Variants in EYS observed in about 807,000 individuals in gnomAD.
EYS encodes EGF-like photoreceptor maintenance factor.
In EYS, 250 loss-of-function variants were observed where a neutral mutation model predicts 282.1. The ratio of observed to expected loss-of-function variants is 0.89; its 90% CI spans 0.80 to 0.98. The LOEUF (loss-of-function observed/expected upper bound fraction) is 0.98. EYS is among the 50% of genes least tolerant of loss of function. The pLI is 0.00. For missense variants in EYS, 4,016 were observed against 3,709.0 expected, an observed-to-expected ratio of 1.08 and a Z score of -2.15; for synonymous variants, 1,355 against 1,282.9, an observed-to-expected ratio of 1.06 and a Z score of -1.20.
chr6:65,095,194 A>G (rs572599729), intron 12 of EYS, among the ~76,000 whole-genome samples: 1 of 151,412 alleles, frequency 6.6e-6, no homozygotes, highest in South Asian at 2.1e-4. Flanking sequence ...TCAGTAATCA[A>G]AAATTTCTTA....
rs376698343 is a variant in EYS, at chr6:64,886,252, T to A, written c.2992+445A>T. Among the ~76,000 whole-genome samples, 9 of 152,060 alleles carry A rather than the reference T, an allele frequency of 5.9e-5. No homozygotes were observed. In the East Asian group the frequency reaches 1.7e-3, roughly 30 times the overall value. On this transcript the variant is annotated intron_variant, in intron 19 of 42. Transcript: ENST00000503581. ...GGATAAAATTTATGCTGTGAAATAA[T>A]TGATACTGACAGCTAATGCCAATCT...
At chr6:64,845,352 T>G (rs1393333824) in intron 19 of EYS, among the ~76,000 whole-genome samples, 1 of 152,096 alleles carries the variant, frequency 6.6e-6, no homozygotes, top group Admixed American at 6.6e-5. Flanking sequence ...GCTCTTCCCC[T>G]TTGTGTATCC....
chr6:65,671,609 T>C, intron 1 of EYS, among the ~76,000 whole-genome samples: 1 of 152,078 alleles, frequency 6.6e-6, no homozygotes, highest in Admixed American at 6.6e-5. Context: ...CAAACCCTCC[T>C]CTGAAAGGGA....
intron 34 of EYS, among the ~76,000 whole-genome samples, chr6:63,988,037 A>C (rs974553773): frequency 4.4e-4 from 67 of 151,588 alleles, no homozygotes; most frequent in African/African-American, 1.6e-3. Flanking sequence ...CTTCTTATTT[A>C]GGTCCCAGAG....
chr6:65,282,613 A>T lies in EYS; in HGVS notation c.2023+13250T>A, dbSNP rs142647392. ...ACTTGGAAAATATAGCCAATTTTTC[A>T]TAAGCACTGTAAACATTCCATACTT... On this transcript the variant is annotated intron_variant, in intron 12 of 42. Coordinates refer to ENST00000503581, the MANE Select transcript of EYS (RefSeq NM_001142800.2). Among the ~76,000 whole-genome samples, 412 of 152,144 alleles carry T rather than the reference A, an allele frequency of 2.7e-3. 5 individuals are homozygous for T. The highest frequency in any genetic ancestry group is 9.5e-3 in the African/African-American group (394 of 41,574).
At chr6:64,816,393 G>C (rs942248014) in intron 21 of EYS, among the ~76,000 whole-genome samples, 1 of 152,090 alleles carries the variant, frequency 6.6e-6, no homozygotes, top group Non-Finnish European at 1.5e-5. Context: ...TTGATTAGAC[G>C]TAACTACGGA....
intron 29 of EYS, among the ~76,000 whole-genome samples, chr6:64,329,990 C>A (rs1770579772): frequency 6.6e-6 from 1 of 152,090 alleles, no homozygotes; most frequent in South Asian, 2.1e-4. Flanking sequence ...GGACCAGACT[C>A]CACCAAGGAT....
chr6:64,946,005 G>T, intron 14 of EYS, 91 bp from the exon 15 acceptor site: 1 of 994,752 alleles, frequency 1.0e-6, no homozygotes, highest in Non-Finnish European at 1.4e-6. Flanking sequence ...TGATATCTCT[G>T]TCAATTTATA....
At chr6:65,405,665 G>A (rs1050853134) in intron 5 of EYS, among the ~76,000 whole-genome samples, 1 of 151,994 alleles carries the variant, frequency 6.6e-6, no homozygotes, top group Non-Finnish European at 1.5e-5. Flanking sequence ...CCAGTTCCAG[G>A]CATTTCATTA....
chr6:64,343,943 C>T (rs1771249015), intron 29 of EYS, among the ~76,000 whole-genome samples: 1 of 152,130 alleles, frequency 6.6e-6, no homozygotes, highest in Admixed American at 6.6e-5. Context: ...CTCAAATAAA[C>T]TAGAAAATCT....
chr6:64,264,766 C>T (rs139631365), intron 30 of EYS, among the ~76,000 whole-genome samples: 9 of 151,900 alleles, frequency 5.9e-5, no homozygotes, highest in East Asian at 1.9e-4. Flanking sequence ...AAAAATTTTC[C>T]GGGTGTGGGC....
intron 36 of EYS, among the ~76,000 whole-genome samples, chr6:63,811,937 C>A (rs1245803135): frequency 2.0e-5 from 3 of 152,184 alleles, no homozygotes; most frequent in Non-Finnish European, 2.9e-5. Flanking sequence ...TTCACTGTGT[C>A]TGTTAATACC....
chr6:64,540,940 T>C (rs946460576), intron 26 of EYS, among the ~76,000 whole-genome samples: 1 of 152,238 alleles, frequency 6.6e-6, no homozygotes, highest in Non-Finnish European at 1.5e-5. Flanking sequence ...CCTTCTACTA[T>C]GAAAATTATT....
intron 26 of EYS, among the ~76,000 whole-genome samples, chr6:64,449,114 AT>A (rs1309047007): frequency 6.6e-6 from 1 of 152,168 alleles, no homozygotes; most frequent in African/African-American, 2.4e-5. Flanking sequence ...TTAAAAAAAA[AT>A]TAGACGAATG....
intron 35 of EYS, among the ~76,000 whole-genome samples, chr6:63,940,798 A>AG (rs1765212503): frequency 6.6e-6 from 1 of 151,634 alleles, no homozygotes; most frequent in Non-Finnish European, 1.5e-5. Context: ...CTCATCATTT[A>AG]CATTAGGTAT....
At chr6:65,625,685 T>G (rs1021750263) in intron 2 of EYS, among the ~76,000 whole-genome samples, 4 of 152,248 alleles carry the variant, frequency 2.6e-5, no homozygotes, top group African/African-American at 9.6e-5. Context: ...GTTAAGTTTC[T>G]GAAAATTAAA....
chr6:64,713,108 A>G (rs1323088026), intron 22 of EYS, among the ~76,000 whole-genome samples: 2 of 152,372 alleles, frequency 1.3e-5, no homozygotes, highest in Middle Eastern at 3.4e-3. Flanking sequence ...TGCACCTAAT[A>G]TGACTTTGTA....
rs185865919 is a variant in EYS, at chr6:64,130,240, A to G, written c.6425-48238T>C. Among the ~76,000 whole-genome samples, 286 of 152,340 alleles carry G rather than the reference A, an allele frequency of 1.9e-3. 2 individuals carry two copies. The South Asian group carries it at 0.022, about 12-fold the overall frequency. On this transcript the variant is annotated intron_variant, in intron 31 of 42. Coordinates refer to ENST00000503581, the MANE Select transcript of EYS (RefSeq NM_001142800.2). ...GACTTGGAACCAACCCAAATGTCCA[A>G]CAACGATCGACTGGATTAAGAAAGT...
intron 22 of EYS, among the ~76,000 whole-genome samples, chr6:64,744,676 G>A (rs531709230): frequency 6.6e-6 from 1 of 152,196 alleles, no homozygotes; most frequent in African/African-American, 2.4e-5. Flanking sequence ...CAGATTAAAA[G>A]TAATGCTAGT....
Sources: gnomAD v4.1 joint callset for allele counts (sites outside exome capture counted in the v4.1 genomes callset) on GRCh38, gnomAD v4.1.1 for gene constraint, MANE v1.5 for transcripts, NCBI Gene and HGNC (gene_info 2026-07-23, HGNC 2026-07-21) for gene names.